The following UQCRC1 variants were observed in gnomAD, a reference collection of about 807,000 sequenced individuals.
UQCRC1 encodes ubiquinol-cytochrome c reductase core protein 1, also known as cytochrome b-c1 complex subunit 1, mitochondrial.
Under a neutral mutation model 58.0 loss-of-function variants are expected in UQCRC1, and 34 were observed. The observed-to-expected ratio is 0.59, with a 90% CI of 0.45 to 0.78. The LOEUF is 0.78. UQCRC1 is among the 30% of genes least tolerant of loss of function. The probability of loss-of-function intolerance (pLI) is 0.00; values close to 1 mark genes in which losing one functional copy is unlikely to be tolerated. For missense variants in UQCRC1, 610 were observed against 646.0 expected, an observed-to-expected ratio of 0.94 and a Z score of 0.60; for synonymous variants, 276 against 248.8, an observed-to-expected ratio of 1.11 and a Z score of -1.03.
intron 2 of UQCRC1, among the ~76,000 whole-genome samples, chr3:48,607,031 GT>G (rs1192367157): frequency 6.9e-6 from 1 of 144,102 alleles, no homozygotes; most frequent in African/African-American, 2.6e-5. Context: ...GCTAATTTTT[GT>G]TTTTTTGTGT....
chr3:48,605,642 T>C (rs1030869878), intron 3 of UQCRC1, 128 bp downstream of exon 3: 5 of 946,026 alleles, frequency 5.3e-6, no homozygotes, highest in Non-Finnish European at 8.0e-6. Flanking sequence ...TGGCTCCTTT[T>C]AGGAAAGCCA....
At chr3:48,607,259 T>C (rs1228297620) in intron 2 of UQCRC1, among the ~76,000 whole-genome samples, 1 of 152,194 alleles carries the variant, frequency 6.6e-6, no homozygotes, top group Non-Finnish European at 1.5e-5. Flanking sequence ...GCCAGGATGG[T>C]CTCAATCTCC....
intron 5 of UQCRC1, 130 bp downstream of exon 5, chr3:48,604,103 G>T: frequency 1.0e-6 from 1 of 991,286 alleles, no homozygotes; most frequent in Non-Finnish European, 1.5e-6. Flanking sequence ...CATGGATACA[G>T]AAACTGTCTC....
At chr3:48,605,910 ACT>A (rs909889136) in intron 2 of UQCRC1, 54 bp from the exon 3 acceptor site, 1 of 1,560,066 alleles carries the variant, frequency 6.4e-7, no homozygotes, top group Non-Finnish European at 8.8e-7. Context: ...CCAGCCCCCT[ACT>A]CACACCCCAC....
chr3:48,603,510 G>T, intron 6 of UQCRC1, 54 bp downstream of exon 6: 5 of 1,588,514 alleles, frequency 3.1e-6, no homozygotes, highest in Non-Finnish European at 4.3e-6. Context: ...CCTCGGCTTT[G>T]ATAACCAAGG....
At chr3:48,605,257 C>T (rs576732716) in intron 3 of UQCRC1, among the ~76,000 whole-genome samples, 2 of 152,310 alleles carry the variant, frequency 1.3e-5, no homozygotes, top group Admixed American at 6.5e-5. Flanking sequence ...GTGGTGCTAT[C>T]TCTTGGTGTG....
In UQCRC1 at chr3:48,609,200, G is replaced by A; in HGVS notation, c.172C>T (p.Arg58Cys). The part of the protein sequence containing the change: ...TQVSLLDNGL[R>C]VASEQSSQPT... ...TGAGAGGACTGCTCGGAGGCCACAC[G>A]CAGGCCGTTGTCCAGCAGGCTAACC... Residue 58 changes from arginine (R) to cysteine (C), a missense_variant, in exon 2 of 13, where the codon CGT (arginine) becomes TGT (cysteine). Coordinates refer to ENST00000203407, the MANE Select transcript of UQCRC1 (RefSeq NM_003365.3). 1.2e-6 allele frequency: 2 copies of A among 1,612,712 alleles called. No homozygotes were observed. The highest frequency in any genetic ancestry group is 1.7e-6 in the Non-Finnish European group (2 of 1,179,532).
rs749126135 is a variant in UQCRC1 at position 48,609,606 on chromosome 3, C to A, written c.15G>T (p.Val5=). The A allele has an allele frequency of 6.4e-7, 1 of 1,569,206 alleles. No homozygotes were observed. The highest frequency in any genetic ancestry group is 1.2e-5 in the South Asian group (1 of 86,696). ...CCCCGGCGGTAGCGGCCCGACAGAC[C>A]ACGGACGCCGCCATCTTCCAGCTGC... MAAS[V]VCRAATAGAQ... is the part of the protein sequence containing the mutation. Residue 5 remains valine (V), a synonymous_variant, in exon 1 of 13, where the codon GTG becomes GTT. Transcript: ENST00000203407.
intron 6 of UQCRC1, 79 bp downstream of exon 6, chr3:48,603,484 AT>A: frequency 7.0e-7 from 1 of 1,437,780 alleles, no homozygotes. Flanking sequence ...AAGGTCCCCT[AT>A]GGTGGGAACC....
At chr3:48,605,198 T>A (rs2107846495) in intron 3 of UQCRC1, among the ~76,000 whole-genome samples, 1 of 152,346 alleles carries the variant, frequency 6.6e-6, no homozygotes, top group Admixed American at 6.5e-5. Flanking sequence ...TGTGAATACA[T>A]GCTAGTGGCC....
chr3:48,608,487 T>C (rs184180099), intron 2 of UQCRC1, among the ~76,000 whole-genome samples: 2 of 152,334 alleles, frequency 1.3e-5, no homozygotes, highest in African/African-American at 4.8e-5. Flanking sequence ...AAGTGACATA[T>C]AACAAGGAAG....
In UQCRC1 at chr3:48,600,162, G is replaced by T; in HGVS notation, c.1214-11C>A. 1.2e-6 allele frequency: 2 copies of T among 1,613,836 alleles called. No homozygotes were observed. Among genetic ancestry groups the T allele is most frequent in the African/African-American group, 2.7e-5 (2 of 75,034 alleles). ...ACACAGGAGTAGTGCCTTTAAGGGT[G>T]AGAGAAGGCTCAGAGGTCCACCCAG... is the stretch of plus-strand genomic sequence containing the variant. On this transcript the variant is annotated splice_polypyrimidine_tract_variant and intron_variant, in intron 10 of 12. Transcript: ENST00000203407.
At chr3:48,602,020 G>A (rs1444042363) in intron 6 of UQCRC1, among the ~76,000 whole-genome samples, 2 of 152,050 alleles carry the variant, frequency 1.3e-5, no homozygotes, top group Middle Eastern at 3.2e-3. Context: ...CTCCACAAGA[G>A]GAGGGCTCTG....
chr3:48,604,694 G>A lies in UQCRC1; in HGVS notation c.384C>T (p.His128=), dbSNP rs1258268210. Residue 128 remains histidine, a synonymous_variant, in exon 4 of 13, where the codon CAC becomes CAT. Transcript: ENST00000203407. Reference sequence around the variant, plus strand: ...ACAGCGCCTTGATGTAGTAAGCTGTGTGCTCCCGGGTGCTGTAGGCATTAA... The same window carrying A: ...ACAGCGCCTTGATGTAGTAAGCTGTATGCTCCCGGGTGCTGTAGGCATTAA... ...AHLNAYSTRE[H]TAYYIKALSK... is the part of the protein sequence containing the mutation. The A allele has an allele frequency of 6.2e-7, 1 of 1,614,142 alleles. No homozygotes were observed.
At chr3:48,609,037 G>T in intron 2 of UQCRC1, 125 bp downstream of exon 2, 1 of 1,325,614 alleles carries the variant, frequency 7.5e-7, no homozygotes, top group Non-Finnish European at 1.0e-6. Context: ...TTCTCGGGGT[G>T]AGTGGTCCTG....
chr3:48,609,616 G>A lies in UQCRC1; in HGVS notation c.5C>T (p.Ala2Val), dbSNP rs771554600. The change falls in exon 1 of 13, where the codon GCG becomes GTG. Residue 2 changes from alanine to valine, a missense_variant. Physicochemically the swap from Ala to Val is moderately conservative, Grantham distance 64. Transcript: ENST00000203407. ...AGCGGCCCGACAGACCACGGACGCC[G>A]CCATCTTCCAGCTGCAGTCGGCCCT... is the stretch of plus-strand genomic sequence containing the variant. M[A>V]ASVVCRAATA... 16 of 1,567,006 alleles carry A rather than the reference G, an allele frequency of 1.0e-5. No homozygotes were observed. Among genetic ancestry groups the A allele is most frequent in the Middle Eastern group, 1.7e-4 (1 of 6,030 alleles).
rs2046357441 is a variant in UQCRC1, at chr3:48,600,799, C to T, written c.1008G>A (p.Lys336=). Reference sequence around the variant, plus strand: ...TGAAGGTCTGGAAACTCTGGCATAGCTTGTTGGCCACAGCACCTGAAGCCA... The same window carrying T: ...TGAAGGTCTGGAAACTCTGGCATAGTTTGTTGGCCACAGCACCTGAAGCCA... ...SPLASGAVAN[K]LCQSFQTFSI... is the part of the protein sequence containing the mutation. Residue 336 remains lysine (K), a synonymous_variant, in exon 9 of 13, where the codon AAG becomes AAA. Coordinates refer to ENST00000203407, the MANE Select transcript of UQCRC1 (RefSeq NM_003365.3). 6.2e-7 allele frequency: 1 copy of T among 1,614,124 alleles called. No homozygotes were observed.
chr3:48,601,157 T>G, intron 7 of UQCRC1, 39 bp from the exon 8 acceptor site: 2 of 1,576,836 alleles, frequency 1.3e-6, no homozygotes, highest in Admixed American at 1.7e-5. Flanking sequence ...ACAGCCAGAC[T>G]GCCAGGGGAA....
intron 6 of UQCRC1, among the ~76,000 whole-genome samples, chr3:48,602,381 A>G (rs1231647408): frequency 4.0e-5 from 6 of 151,370 alleles, no homozygotes; most frequent in Non-Finnish European, 5.9e-5. Context: ...TCCTTCCATG[A>G]GCTCAAGCCC....
Sources: gnomAD v4.1 joint callset for allele counts (sites outside exome capture counted in the v4.1 genomes callset) on GRCh38, gnomAD v4.1.1 for gene constraint, MANE v1.5 for transcripts, NCBI Gene and HGNC (gene_info 2026-07-23, HGNC 2026-07-21) for gene names.